C1R: variants seen among roughly 807,000 people sequenced by gnomAD.
C1R encodes complement C1r subcomponent.
Under a neutral mutation model 27.6 loss-of-function variants are expected in C1R, and 15 were observed. That is an observed-to-expected ratio of 0.54 (90% CI 0.36 to 0.84). The LOEUF (loss-of-function observed/expected upper bound fraction) is 0.84. Ranked by LOEUF, C1R falls within the 40% of genes least tolerant of loss-of-function variation. The pLI is 0.01. For synonymous variants in C1R, 253 were observed against 228.8 expected, an observed-to-expected ratio of 1.11 and a Z score of -0.95; for missense variants, 544 against 577.9, an observed-to-expected ratio of 0.94 and a Z score of 0.60.
At chr12:7,084,713 G>T (rs1353316453) in intron 9 of C1R, among the ~76,000 whole-genome samples, 1 of 55,754 alleles carries the variant, frequency 1.8e-5, no homozygotes, top group African/African-American at 8.7e-5. Context: ...TTTTAGTGTG[G>T]TGGTGACGAT....
chr12:7,089,941 G>C, intron 3 of C1R, 115 bp downstream of exon 3: 1 of 700,866 alleles, frequency 1.4e-6, no homozygotes, highest in Non-Finnish European at 2.7e-6. Context: ...CTCTCTCGAG[G>C]GGAGGAACAA....
At chr12:7,092,231 T>G in intron 1 of C1R, 156 bp downstream of exon 1, 1 of 693,340 alleles carries the variant, frequency 1.4e-6, no homozygotes, top group Non-Finnish European at 2.7e-6. Context: ...GGAGGAGGGA[T>G]GGGGCGTGTG....
rs1195869848 is a variant in C1R at position 7,088,930 on chromosome 12, G to A, written c.825C>T (p.Asp275=). The part of the protein sequence containing the change: ...GEFCGKQRPP[D]LDTSSNAVDL... Reference sequence around the variant, plus strand: ...CCACAGCATTGCTGCTGGTGTCGAGGTCGGGGGGCCTTTGCTTCCCACAGA... The same window carrying A: ...CCACAGCATTGCTGCTGGTGTCGAGATCGGGGGGCCTTTGCTTCCCACAGA... Residue 275 remains aspartate, a synonymous_variant, in exon 6 of 11, where the codon GAC becomes GAT. Transcript: ENST00000647956. 6.6e-6 allele frequency: 5 copies of A among 762,618 alleles called. No individual in the cohort carries two copies. Among genetic ancestry groups the A allele is most frequent in the Middle Eastern group, 2.3e-4 (1 of 4,426 alleles). The allele number at this position is 762,618 out of a possible 1,614,324, so 47.2% of individuals were successfully genotyped here.
At position 7,081,947 on chromosome 12, in the gene C1R, C is replaced by G. The variant is rs983078605; in HGVS notation, c.1348+85G>C. 13 of 1,141,506 alleles carry G rather than the reference C, an allele frequency of 1.1e-5. No individual in the cohort carries two copies. In the Admixed American group the frequency reaches 2.7e-4, roughly 24 times the overall value. The allele number at this position is 1,141,506 out of a possible 1,614,324, so 70.7% of individuals were successfully genotyped here. ...GGGATGTTCCCCTCTTCTCTCCTCT[C>G]TCTCCTTTTTCTGGGCCACACTGCT... On this transcript the variant is annotated intron_variant, in intron 10 of 10. Transcript: ENST00000647956.
chr12:7,086,130 T>A (rs1938152850), intron 8 of C1R, 114 bp from the exon 9 acceptor site: 1 of 397,752 alleles, frequency 2.5e-6, no homozygotes, highest in South Asian at 1.4e-4. Context: ...GAAAAGATAG[T>A]CAGTGGGGAG....
chr12:7,090,011 A>T (rs1938236357), intron 3 of C1R, 45 bp downstream of exon 3: 1 of 729,394 alleles, frequency 1.4e-6, no homozygotes, highest in Non-Finnish European at 2.6e-6. Flanking sequence ...CCCCCATTCA[A>T]TATGGCTGAG....
In C1R at chr12:7,089,470, C is replaced by A. The variant is rs770450354; in HGVS notation, c.591G>T (p.Leu197=). The change falls in exon 5 of 11, where the codon CTG becomes CTT. Residue 197 remains leucine (L), a synonymous_variant. Coordinates refer to ENST00000647956, the MANE Select transcript of C1R (RefSeq NM_001733.7). The part of the protein sequence containing the change: ...HSCQAECSSE[L]YTEASGYISS... Reference sequence around the variant, plus strand: ...AGATGTAGCCTGATGCCTCCGTGTACAGCTCGCTGCTGCACTCAGCTGTGA... The same window carrying A: ...AGATGTAGCCTGATGCCTCCGTGTAAAGCTCGCTGCTGCACTCAGCTGTGA... The A allele has an allele frequency of 1.3e-6, 1 of 776,518 alleles. No individual in the cohort carries two copies. The allele number at this position is 776,518 out of a possible 1,614,324, so 48.1% of individuals were successfully genotyped here.
intron 9 of C1R, among the ~76,000 whole-genome samples, chr12:7,084,945 G>C (rs941231926): frequency 6.7e-6 from 1 of 148,238 alleles, no homozygotes; most frequent in South Asian, 2.1e-4. Context: ...TAGTGTGGTG[G>C]TGATGATGAT....
intron 5 of C1R, 94 bp downstream of exon 5, chr12:7,089,199 G>C (rs1938208523): frequency 2.9e-6 from 2 of 698,660 alleles, no homozygotes; most frequent in East Asian, 2.6e-5. Context: ...TCCTGCCCCA[G>C]CTGGCCAGGG....
In C1R at chr12:7,089,383, C is replaced by T. The variant is rs747767420; in HGVS notation, c.678G>A (p.Val226=). 2 of 780,632 alleles carry T rather than the reference C, an allele frequency of 2.6e-6. No homozygotes were observed. Among genetic ancestry groups the T allele is most frequent in the South Asian group, 1.3e-5 (1 of 74,592 alleles). The allele number at this position is 780,632 out of a possible 1,614,324, so 48.4% of individuals were successfully genotyped here. The part of the protein sequence containing the change: ...PDLRCNYSIR[V]ERGLTLHLKF... ...TGAGGTGCAGGGTGAGGCCCCGCTC[C>T]ACCCGGATGCTGTAGTTGCAGCGCA... Residue 226 remains valine (V), a synonymous_variant, in exon 5 of 11, where the codon GTG becomes GTA. Transcript: ENST00000647956.
Position 7,080,933 on chromosome 12 carries a change from G to C in C1R, c.1717C>G (p.Leu573Val). 1.2e-6 allele frequency: 2 copies of C among 1,613,188 alleles called. No homozygotes were observed. The highest frequency in any genetic ancestry group is 1.1e-5 in the South Asian group (1 of 91,070). Reference sequence around the variant, plus strand: ...TTGTCAGGGAGGCAGATGGGGAGGAGGTTGGGACCCAGGGTGACACTATTT... The same window carrying C: ...TTGTCAGGGAGGCAGATGGGGAGGACGTTGGGACCCAGGGTGACACTATTT... Reference protein sequence around the residue: ...LENSVTLGPNLLPICLPDNDT... With the variant: ...LENSVTLGPNVLPICLPDNDT... Residue 573 changes from leucine to valine, a missense_variant, in exon 11 of 11, where the codon CTC becomes GTC. Around this residue, in one of 2 missense-constraint regions of C1R, gnomAD observed 253 missense variants for 368.9 expected, o/e 0.69. Coordinates refer to ENST00000647956, the MANE Select transcript of C1R (RefSeq NM_001733.7). The surrounding 1 kb of genome is among the most constrained non-coding windows in gnomAD (Gnocchi z 4.9).
rs1453815055 is a variant in C1R, at chr12:7,091,784, C to T, written c.3-104G>A. ...TGAGACGGCCATACCACTGGGCATT[C>T]TCCTCTCTGCCCACCCTGAACCTCA... On this transcript the variant is annotated intron_variant, in intron 1 of 10. Transcript: ENST00000647956. The surrounding 1 kb of genome is among the most constrained non-coding windows in gnomAD (Gnocchi z 5.1). 1.4e-6 allele frequency: 1 copy of T among 713,532 alleles called. No homozygotes were observed. Among genetic ancestry groups the T allele is most frequent in the Non-Finnish European group, 2.6e-6 (1 of 384,982 alleles). 44.2% of individuals were successfully genotyped at this position (713,532 alleles called of 1,614,324 possible). A position where few individuals can be genotyped will look rare whatever the true frequency, so the allele number is the denominator to read the frequency against.
chr12:7,091,015 G>T lies in C1R; in HGVS notation c.231+437C>A, dbSNP rs760243283. On this transcript the variant is annotated intron_variant, in intron 2 of 10. Transcript: ENST00000647956. This position sits in a 1 kb window ranked among gnomAD's most constrained non-coding sequence, Gnocchi z 5.1. ...ACCCTTGGTTGCCACAGAGGTGAGG[G>T]TTCTGAGCACACTGTCCTTGCTGAA... The T allele has an allele frequency of 1.4e-4, 31 of 216,844 alleles. No homozygotes were observed. The South Asian group carries it at 2.0e-3, about 14-fold the overall frequency. The allele number at this position is 216,844 out of a possible 1,614,324, so 13.4% of individuals were successfully genotyped here.
In C1R at chr12:7,091,405, A is replaced by G. The variant is rs1938269901; in HGVS notation, c.231+47T>C. On this transcript the variant is annotated intron_variant, in intron 2 of 10. Coordinates refer to ENST00000647956, the MANE Select transcript of C1R (RefSeq NM_001733.7). This position sits in a 1 kb window ranked among gnomAD's most constrained non-coding sequence, Gnocchi z 5.1. ...GCATGCCATACAGATCCCAGATCCCAGAGGGCCCAGTTTTGTCTCCCCTCT... is the reference window on the plus strand; with the variant it reads ...GCATGCCATACAGATCCCAGATCCCGGAGGGCCCAGTTTTGTCTCCCCTCT... The G allele has an allele frequency of 4.2e-6, 3 of 716,358 alleles. No individual in the cohort carries two copies. The highest frequency in any genetic ancestry group is 3.5e-5 in the African/African-American group (2 of 56,984). 44.4% of individuals were successfully genotyped at this position (716,358 alleles called of 1,614,324 possible). A position where few individuals can be genotyped will look rare whatever the true frequency, so the allele number is the denominator to read the frequency against.
Position 7,081,248 on chromosome 12 carries a change from G to C in C1R, c.1402C>G (p.Gln468Glu). 6.2e-7 allele frequency: 1 copy of C among 1,612,718 alleles called. No homozygotes were observed. The highest frequency in any genetic ancestry group is 8.5e-7 in the Non-Finnish European group (1 of 1,179,350). ...VEQRQRIIGG[Q>E]KAKMGNFPWQ... ...GGGAAGTTGCCCATCTTGGCTTTTT[G>C]CCCTCCGATGATGCGCTGCCTCTGT... The change falls in exon 11 of 11, where the codon CAA becomes GAA. Residue 468 changes from glutamine (Q) to glutamate (E), a missense_variant. Around this residue, in one of 2 missense-constraint regions of C1R, gnomAD observed 253 missense variants for 368.9 expected, o/e 0.69. Transcript: ENST00000647956.
At position 7,088,860 on chromosome 12, in the gene C1R, T is replaced by G. The variant is rs1335609068; in HGVS notation, c.895A>C (p.Lys299Gln). Residue 299 changes from lysine to glutamine, a missense_variant, in exon 6 of 11, where the codon AAG becomes CAG. Lys to Gln is a moderately conservative substitution (Grantham distance 53). Around this residue, in one of 2 missense-constraint regions of C1R, gnomAD observed 291 missense variants for 209.0 expected, o/e 1.39. Transcript: ENST00000647956. ...TDESGDSRGWKLRYTTEIIKC... is the reference protein window; with the variant it reads ...TDESGDSRGWQLRYTTEIIKC... ...TTACTCTCGGTGGTGTAGCGCAGCT[T>G]CCAGCCCCGGCTGTCCCCCGACTCA... is the stretch of plus-strand genomic sequence containing the variant. 3 of 775,340 alleles carry G rather than the reference T, an allele frequency of 3.9e-6. No individual in the cohort carries two copies. Among genetic ancestry groups the G allele is most frequent in the African/African-American group, 3.4e-5 (2 of 58,850 alleles). 48.0% of individuals were successfully genotyped at this position (775,340 alleles called of 1,614,324 possible). A position where few individuals can be genotyped will look rare whatever the true frequency, so the allele number is the denominator to read the frequency against.
rs1443297841 is a variant in C1R at position 7,080,280 on chromosome 12, G to A, written c.*252C>T. 2 of 1,184,864 alleles carry A rather than the reference G, an allele frequency of 1.7e-6. No individual in the cohort carries two copies. Among genetic ancestry groups the A allele is most frequent in the Non-Finnish European group, 2.1e-6 (2 of 957,156 alleles). The allele number at this position is 1,184,864 out of a possible 1,614,324, so 73.4% of individuals were successfully genotyped here. A position where few individuals can be genotyped will look rare whatever the true frequency, so the allele number is the denominator to read the frequency against. ...TATTCAATGACCCAATGGTATCAAA[G>A]TGGAAGAGGAAAGTGACAACTAGAG... On this transcript the variant is annotated 3_prime_UTR_variant, in exon 11 of 11. Coordinates refer to ENST00000647956, the MANE Select transcript of C1R (RefSeq NM_001733.7). The surrounding 1 kb of genome is among the most constrained non-coding windows in gnomAD (Gnocchi z 4.9).
intron 9 of C1R, among the ~76,000 whole-genome samples, chr12:7,084,731 G>GTGGTGGTGA (rs1938110595): frequency 6.7e-6 from 1 of 149,986 alleles, no homozygotes; most frequent in African/African-American, 2.5e-5. Flanking sequence ...GATGGTGTTG[G>GTGGTGGTGA]TGGTGGTGAT....
chr12:7,080,709 C>T lies in C1R; in HGVS notation c.1941G>A (p.Gln647=), dbSNP rs181649021. 4.1e-5 allele frequency: 66 copies of T among 1,614,018 alleles called. 1 individual carries two copies. The African/African-American group carries it at 7.6e-4, about 19-fold the overall frequency. The change falls in exon 11 of 11, where the codon CAG becomes CAA. Residue 647 remains glutamine (Q), a synonymous_variant. Transcript: ENST00000647956. The surrounding 1 kb of genome is among the most constrained non-coding windows in gnomAD (Gnocchi z 4.9). ...MFCAGHPSLK[Q]DACQGDSGGV... ...CCCCACTATCCCCCTGGCAGGCGTC[C>T]TGCTTTAGAGATGGGTGTCCAGCAC...
Sources: allele counts gnomAD v4.1 joint callset (sites outside exome capture counted in the v4.1 genomes callset), GRCh38; gene constraint gnomAD v4.1.1; regional missense constraint gnomAD v4.1.1; non-coding constraint Gnocchi (gnomAD v3.1); transcripts MANE v1.5; gene names NCBI Gene and HGNC (gene_info 2026-07-23, HGNC 2026-07-21).